Variants in ANO4 observed in about 807,000 individuals in gnomAD.
ANO4 encodes the protein anoctamin-4.
ANO4 carries 69 observed loss-of-function variants against 141.9 expected under a neutral mutation model. The ratio of observed to expected loss-of-function variants is 0.49; its 90% confidence interval spans 0.40 to 0.59. The LOEUF is 0.59. ANO4 is among the 20% of genes least tolerant of loss of function. The probability of loss-of-function intolerance (pLI) is 0.00; values close to 1 mark genes in which losing one functional copy is unlikely to be tolerated. For missense variants in ANO4, 894 were observed against 1,162.2 expected, an observed-to-expected ratio of 0.77 and a Z score of 3.36; for synonymous variants, 350 against 394.3, an observed-to-expected ratio of 0.89 and a Z score of 1.33.
chr12:100,827,597 A>G (rs1399440), intron 1 of ANO4, among the ~76,000 whole-genome samples: 62,340 of 151,816 alleles, frequency 0.41, 12,961 homozygotes, highest in Admixed American at 0.49. Context: ...GACTAAATGA[A>G]TGGAATTATG....
chr12:100,911,990 G>A (rs1269758623), intron 2 of ANO4, among the ~76,000 whole-genome samples: 2 of 152,098 alleles, frequency 1.3e-5, no homozygotes, highest in African/African-American at 2.4e-5. Context: ...AGTCCTCATA[G>A]CAGTCTGTGA....
At chr12:100,775,383 A>G (rs546093947) in intron 3 of ANO4, among the ~76,000 whole-genome samples, 62 of 152,262 alleles carry the variant, frequency 4.1e-4, no homozygotes, top group African/African-American at 1.2e-3. Context: ...GAGAAAACCA[A>G]TCCATGGTTG....
At chr12:100,764,530 A>T (rs2032999708) in intron 3 of ANO4, among the ~76,000 whole-genome samples, 1 of 152,224 alleles carries the variant, frequency 6.6e-6, no homozygotes, top group Non-Finnish European at 1.5e-5. Flanking sequence ...TGCAAACTCT[A>T]ATAGCAACAA....
intron 5 of ANO4, among the ~76,000 whole-genome samples, chr12:100,947,211 T>C (rs1243001717): frequency 3.9e-5 from 6 of 152,228 alleles, no homozygotes; most frequent in Admixed American, 3.9e-4. Flanking sequence ...TAAATACATG[T>C]TTTTATGCTA....
rs904923498 is a variant in ANO4, at chr12:100,943,664, G to C, written c.456+1129G>C. 3.4e-4 allele frequency among the ~76,000 whole-genome samples: 52 copies of C among 152,192 alleles called. 3 individuals carry two copies. On this transcript the variant is annotated intron_variant, in intron 5 of 27. Coordinates refer to ENST00000392977, the MANE Select transcript of ANO4 (RefSeq NM_001286615.2). ...TCTTATTCTCAGGAAAGAAGAACCA[G>C]CTTTCTCAAAGACCATCTTAATTAG...
At chr12:100,915,461 T>C (rs2050514630) in intron 2 of ANO4, among the ~76,000 whole-genome samples, 1 of 152,178 alleles carries the variant, frequency 6.6e-6, no homozygotes, top group Non-Finnish European at 1.5e-5. Context: ...ATAGAAAATA[T>C]CATTTGTCCT....
intron 13 of ANO4, 150 bp downstream of exon 13, chr12:101,043,785 T>C: frequency 1.6e-6 from 1 of 627,762 alleles, no homozygotes; most frequent in Non-Finnish European, 2.8e-6. Flanking sequence ...GTATTCTAAT[T>C]CCCATATCTT....
At chr12:101,107,894 G>A (rs1459741732) in intron 22 of ANO4, among the ~76,000 whole-genome samples, 1 of 152,168 alleles carries the variant, frequency 6.6e-6, no homozygotes, top group East Asian at 1.9e-4. Context: ...CAGTGGAGAG[G>A]AGGGAGAAAT....
At chr12:101,043,723 A>C in intron 13 of ANO4, 88 bp downstream of exon 13, 3 of 947,832 alleles carry the variant, frequency 3.2e-6, no homozygotes, top group Non-Finnish European at 5.0e-6. Context: ...TGTCATTTCC[A>C]GTCTTTGATT....
At chr12:100,737,554 G>T (rs2135460789) in intron 2 of ANO4, among the ~76,000 whole-genome samples, 1 of 152,296 alleles carries the variant, frequency 6.6e-6, no homozygotes, top group East Asian at 1.9e-4. Context: ...CTTGTGTCCT[G>T]GGTCACAAGG....
chr12:101,029,964 A>G (rs2046909307), intron 9 of ANO4, among the ~76,000 whole-genome samples: 1 of 151,686 alleles, frequency 6.6e-6, no homozygotes, highest in African/African-American at 2.4e-5. Flanking sequence ...ATACAGAAGC[A>G]CCCAGATTCA....
intron 22 of ANO4, among the ~76,000 whole-genome samples, chr12:101,100,891 T>C (rs761541898): frequency 1.3e-5 from 2 of 152,230 alleles, no homozygotes; most frequent in Non-Finnish European, 2.9e-5. Flanking sequence ...TTTTTGCAAA[T>C]TTACACACAA....
At position 100,897,279 on chromosome 12, in the gene ANO4, G is replaced by C. The variant is rs558933048; in HGVS notation, c.-140-4367G>C. The stretch of plus-strand genomic sequence containing the variant: ...ACCCCATCTTCTCAGCTGAGTTGGA[G>C]AGGAGGCTATCTGATGAGGCTGAGG... On this transcript the variant is annotated intron_variant, in intron 1 of 27. Transcript: ENST00000392977. Among the ~76,000 whole-genome samples, 36 of 152,350 alleles carry C rather than the reference G, an allele frequency of 2.4e-4. 1 individual carries two copies. In the South Asian group the frequency reaches 5.0e-3, roughly 21 times the overall value.
intron 5 of ANO4, among the ~76,000 whole-genome samples, chr12:100,947,631 A>G (rs924255513): frequency 1.3e-5 from 2 of 152,230 alleles, no homozygotes; most frequent in Admixed American, 6.5e-5. Flanking sequence ...GCATGAGCAC[A>G]TGTGGGTGCA....
chr12:100,781,768 A>G (rs1438076762), intron 3 of ANO4, among the ~76,000 whole-genome samples: 2 of 152,222 alleles, frequency 1.3e-5, no homozygotes, highest in African/African-American at 4.8e-5. Flanking sequence ...TTGAAGACTA[A>G]TAAAAAAGAC....
intron 1 of ANO4, among the ~76,000 whole-genome samples, chr12:100,881,330 A>G (rs2039558260): frequency 1.3e-5 from 2 of 151,928 alleles, no homozygotes; most frequent in Non-Finnish European, 2.9e-5. Flanking sequence ...GAAGAAATGG[A>G]AGAAGAAAAA....
chr12:101,093,638 C>A (rs768699960), intron 17 of ANO4, among the ~76,000 whole-genome samples: 1 of 152,118 alleles, frequency 6.6e-6, no homozygotes, highest in Non-Finnish European at 1.5e-5. Context: ...CACGCACACA[C>A]AAACACACAT....
chr12:100,987,693 C>T lies in ANO4; in HGVS notation c.734+23C>T, dbSNP rs141115891. The T allele has an allele frequency of 2.6e-4, 423 of 1,612,250 alleles. No individual in the cohort carries two copies. The African/African-American group carries it at 4.8e-3, about 18-fold the overall frequency. ...TCAGTGAGTGTTCCATGTTAAAGCCCCATCTCACTAAGGATGTGCAGCTGT... is the reference window on the plus strand; with the variant it reads ...TCAGTGAGTGTTCCATGTTAAAGCCTCATCTCACTAAGGATGTGCAGCTGT... On this transcript the variant is annotated intron_variant, in intron 8 of 27. Transcript: ENST00000392977.
At chr12:100,996,933 A>G (rs962685389) in intron 8 of ANO4, among the ~76,000 whole-genome samples, 1 of 152,278 alleles carries the variant, frequency 6.6e-6, no homozygotes, top group East Asian at 1.9e-4. Flanking sequence ...GGGTTACACC[A>G]TAGGTATATT....
Sources: allele counts gnomAD v4.1 joint callset (sites outside exome capture counted in the v4.1 genomes callset), GRCh38; gene constraint gnomAD v4.1.1; transcripts MANE v1.5; gene names NCBI Gene and HGNC (gene_info 2026-07-23, HGNC 2026-07-21).